The following SORBS2 variants were observed in gnomAD, a reference collection of about 807,000 sequenced individuals.
SORBS2 encodes the protein sorbin and SH3 domain-containing protein 2.
A neutral mutation model predicts 97.7 loss-of-function variants in SORBS2; 46 were observed. That is an observed-to-expected ratio of 0.47 (90% CI 0.37 to 0.60). The LOEUF is 0.60. Ranked by LOEUF, SORBS2 falls within the 20% of genes least tolerant of loss-of-function variation. SORBS2 has a pLI of 0.00. For missense variants in SORBS2, 1,316 were observed against 1,282.3 expected, an observed-to-expected ratio of 1.03 and a Z score of -0.40; for synonymous variants, 476 against 473.4, an observed-to-expected ratio of 1.01 and a Z score of -0.07.
chr4:185,861,479 A>G (rs186542291), intron 1 of SORBS2, among the ~76,000 whole-genome samples: 108 of 152,200 alleles, frequency 7.1e-4, no homozygotes, highest in African/African-American at 2.6e-3. Flanking sequence ...TCAAATGATG[A>G]GGCTGGAGGA....
intron 1 of SORBS2, among the ~76,000 whole-genome samples, chr4:185,917,578 C>T (rs535425358): frequency 6.6e-6 from 1 of 152,286 alleles, no homozygotes; most frequent in African/African-American, 2.4e-5. Context: ...GTCATGTGAG[C>T]CACTCTAGTA....
Position 185,786,947 on chromosome 4 carries a change from T to C in SORBS2, c.-337-11581A>G, listed in dbSNP as rs2099058685. ...CACTGCACTCCAATCTGGATGTTCA[T>C]CCATTTTTTTTTTTTTTTTTGAGGC... On this transcript the variant is annotated intron_variant, in intron 1 of 20. Coordinates refer to the SORBS2 transcript ENST00000284776. 1.7e-4 allele frequency among the ~76,000 whole-genome samples: 16 copies of C among 96,082 alleles called. No homozygotes were observed. The Admixed American group carries it at 1.8e-3, about 11-fold the overall frequency. The allele number at this position is 96,082 out of a possible 152,430, so 63.0% of individuals were successfully genotyped here.
At chr4:185,895,752 A>G (rs1466330412) in intron 1 of SORBS2, among the ~76,000 whole-genome samples, 9 of 152,254 alleles carry the variant, frequency 5.9e-5, no homozygotes, top group Non-Finnish European at 8.8e-5. Context: ...TGACTTTGTC[A>G]CACTGTAACA....
chr4:185,894,565 A>T (rs1407943130), intron 1 of SORBS2, among the ~76,000 whole-genome samples: 1 of 152,116 alleles, frequency 6.6e-6, no homozygotes, highest in Non-Finnish European at 1.5e-5. Context: ...TACACTGAAG[A>T]CTTGACCAGC....
At chr4:185,681,812 T>A (rs2097872952) in intron 2 of SORBS2, among the ~76,000 whole-genome samples, 1 of 152,166 alleles carries the variant, frequency 6.6e-6, no homozygotes, top group South Asian at 2.1e-4. Context: ...TCCACTGTTA[T>A]CATTCTAACA....
chr4:185,834,347 G>A (rs2099206794), intron 1 of SORBS2, among the ~76,000 whole-genome samples: 1 of 152,072 alleles, frequency 6.6e-6, no homozygotes, highest in African/African-American at 2.4e-5. Context: ...GATTTGGGCT[G>A]GGACAGATCC....
In SORBS2 at chr4:185,683,108, T is replaced by A. The variant is rs909675334; in HGVS notation, c.-197-4286A>T. Among the ~76,000 whole-genome samples, 6 of 152,080 alleles carry A rather than the reference T, an allele frequency of 3.9e-5. No individual in the cohort carries two copies. The East Asian group carries it at 7.7e-4, about 19-fold the overall frequency. ...AGAGGGCTGTTTTTAAACAATTATG[T>A]CCAAAATTCAGTGGACTTCATTCTC... On this transcript the variant is annotated intron_variant, in intron 2 of 20. Transcript: ENST00000284776.
chr4:185,935,897 G>A (rs2099268694), intron 1 of SORBS2, among the ~76,000 whole-genome samples: 1 of 152,206 alleles, frequency 6.6e-6, no homozygotes, highest in Admixed American at 6.5e-5. Flanking sequence ...TGTCACCCAG[G>A]CTGGAGTGCA....
chr4:185,630,764 C>T (rs1385359481), intron 4 of SORBS2, among the ~76,000 whole-genome samples, 166 bp from the exon 17 acceptor site: 1 of 152,136 alleles, frequency 6.6e-6, no homozygotes, highest in East Asian at 1.9e-4. Context: ...GATCATGCGA[C>T]CTGATTTCTA....
intron 4 of SORBS2, among the ~76,000 whole-genome samples, chr4:185,672,283 A>G (rs949835272): frequency 5.3e-5 from 8 of 152,238 alleles, no homozygotes; most frequent in Non-Finnish European, 1.2e-4. Context: ...AGTCCCCAGC[A>G]TATGTGCAGT....
At chr4:185,753,842 A>G (rs527417455) in intron 2 of SORBS2, among the ~76,000 whole-genome samples, 1 of 152,314 alleles carries the variant, frequency 6.6e-6, no homozygotes, top group Admixed American at 6.5e-5. Flanking sequence ...ATGCTTATAC[A>G]CTGCTGGTGG....
intron 1 of SORBS2, among the ~76,000 whole-genome samples, chr4:185,843,583 A>G (rs1421054026): frequency 6.6e-6 from 1 of 152,232 alleles, no homozygotes; most frequent in Non-Finnish European, 1.5e-5. Context: ...AATAAGCAAT[A>G]CCATTTGCAG....
intron 1 of SORBS2, among the ~76,000 whole-genome samples, chr4:185,791,183 C>A (rs1296413476): frequency 1.3e-5 from 2 of 152,172 alleles, no homozygotes; most frequent in African/African-American, 4.8e-5. Flanking sequence ...TGCCACATGT[C>A]ACATTTTATT....
chr4:185,830,641 G>T (rs2099204618), intron 1 of SORBS2, among the ~76,000 whole-genome samples: 1 of 152,170 alleles, frequency 6.6e-6, no homozygotes, highest in African/African-American at 2.4e-5. Context: ...ATAGAGACTT[G>T]CTAGTTCCAT....
intron 2 of SORBS2, among the ~76,000 whole-genome samples, chr4:185,724,147 A>G (rs762377695): frequency 4.6e-5 from 7 of 152,230 alleles, no homozygotes; most frequent in South Asian, 2.1e-4. Context: ...GAAGCTTAGT[A>G]TGAAAAAGAT....
intron 1 of SORBS2, among the ~76,000 whole-genome samples, chr4:185,946,561 T>C (rs2099274650): frequency 6.6e-6 from 1 of 152,250 alleles, no homozygotes; most frequent in Non-Finnish European, 1.5e-5. Context: ...AAATATCTTT[T>C]CTTTGTAGTG....
intron 4 of SORBS2, among the ~76,000 whole-genome samples, chr4:185,638,502 C>T (rs1233727598): frequency 2.0e-5 from 3 of 152,100 alleles, no homozygotes; most frequent in Non-Finnish European, 4.4e-5. Flanking sequence ...CTGGCTGGCA[C>T]GCCTGATGTT....
At chr4:185,873,175 T>C (rs1262389610) in intron 1 of SORBS2, among the ~76,000 whole-genome samples, 1 of 152,238 alleles carries the variant, frequency 6.6e-6, no homozygotes, top group South Asian at 2.1e-4. Flanking sequence ...CTCCTCCCCA[T>C]ATAGAATTCC....
intron 2 of SORBS2, among the ~76,000 whole-genome samples, chr4:185,767,499 CA>C (rs70962594): frequency 0.25 from 15,220 of 60,498 alleles, 608 homozygotes; most frequent in East Asian, 0.47. Flanking sequence ...GACTCTGTCT[CA>C]AAAAAAAAAA....
Sources: gnomAD v4.1 joint callset for allele counts (sites outside exome capture counted in the v4.1 genomes callset) on GRCh38, gnomAD v4.1.1 for gene constraint, MANE v1.5 for transcripts, NCBI Gene and HGNC (gene_info 2026-07-23, HGNC 2026-07-21) for gene names.